The following RNFT2 variants were observed in gnomAD, a reference collection of about 807,000 sequenced individuals.
RNFT2 encodes the protein ring finger protein, transmembrane 2, also known as E3 ubiquitin-protein ligase RNFT2.
RNFT2 carries 36 observed loss-of-function variants against 53.0 expected under a neutral mutation model. That is an observed-to-expected ratio of 0.68 (90% CI 0.52 to 0.90). The LOEUF is 0.90. Among genes scored for constraint, RNFT2 ranks in the 40% least tolerant of loss-of-function variants. The pLI, the probability that RNFT2 is intolerant of heterozygous loss-of-function variation, is 0.00. For missense variants in RNFT2, 514 were observed against 585.6 expected (o/e 0.88, Z 1.26); for synonymous variants, 260 against 253.2 (o/e 1.03, Z -0.26).
chr12:116,816,070 G>C (rs531537529), intron 7 of RNFT2, among the ~76,000 whole-genome samples: 1 of 152,320 alleles, frequency 6.6e-6, no homozygotes, highest in Admixed American at 6.5e-5. Context: ...GCTGACTTGG[G>C]GACAGATAAG....
intron 7 of RNFT2, among the ~76,000 whole-genome samples, chr12:116,785,279 G>C (rs916706705): frequency 9.1e-6 from 1 of 109,970 alleles, no homozygotes; most frequent in Non-Finnish European, 1.6e-5. Flanking sequence ...GTGTGTGGCG[G>C]GGGGGGGTTG....
chr12:116,747,919 G>A lies in RNFT2; in HGVS notation c.84-1922G>A, dbSNP rs1012431979. Among the ~76,000 whole-genome samples the A allele has an allele frequency of 8.5e-5, 13 of 152,140 alleles. No homozygotes were observed. In the South Asian group the frequency reaches 1.0e-3, roughly 12 times the overall value. ...AGAGGATGAACCCTCGGCCGGGCAC[G>A]GTGGCTCATGCCTGTAATCCCAGCA... On this transcript the variant is annotated intron_variant, in intron 3 of 10. Coordinates refer to ENST00000257575, the MANE Select transcript of RNFT2 (RefSeq NM_001382266.1).
At chr12:116,784,839 T>G (rs1392411614) in intron 7 of RNFT2, among the ~76,000 whole-genome samples, 2 of 152,116 alleles carry the variant, frequency 1.3e-5, no homozygotes, top group African/African-American at 2.4e-5. Flanking sequence ...TCTCCCTCTG[T>G]GTGTCCACTC....
At chr12:116,748,532 G>T (rs759434754) in intron 3 of RNFT2, 6 of 210,520 alleles carry the variant, frequency 2.9e-5, no homozygotes, top group African/African-American at 2.4e-5. Context: ...AGGAATAAAG[G>T]CCCATTTTTC....
At chr12:116,808,019 A>T (rs140193025) in intron 7 of RNFT2, among the ~76,000 whole-genome samples, 2,920 of 151,868 alleles carry the variant, frequency 0.019, 52 homozygotes, top group Middle Eastern at 0.034. Context: ...CCCAGGCTGG[A>T]GGGCAATGGC....
chr12:116,759,811 T>C (rs570732146), intron 5 of RNFT2, among the ~76,000 whole-genome samples: 51 of 152,266 alleles, frequency 3.3e-4, no homozygotes, highest in Non-Finnish European at 6.3e-4. Flanking sequence ...TTTGGTGGTT[T>C]AATGCGCTAT....
rs1375478165 is a variant in RNFT2 at position 116,849,846 on chromosome 12, T to TTCCTTTTTTTTTTC, written c.*399_*400insCCTTTTTTTTTTCT. Reference sequence around the variant, plus strand: ...CCTCCCTCCTTCCTTCCTTCCTTCCTTTTTTTTTTTTTTTTAAAACAAGGT... The same window carrying TTCCTTTTTTTTTTC: ...CCTCCCTCCTTCCTTCCTTCCTTCCTTCCTTTTTTTTTTCTTTTTTTTTTTTTTTAAAACAAGGT... On this transcript the variant is annotated 3_prime_UTR_variant, in exon 11 of 11. Transcript: ENST00000257575. The TTCCTTTTTTTTTTC allele has an allele frequency of 1.1e-5, 1 of 91,290 alleles. No homozygotes were observed. Among genetic ancestry groups the TTCCTTTTTTTTTTC allele is most frequent in the Non-Finnish European group, 1.3e-5 (1 of 78,996 alleles). The allele number at this position is 91,290 out of a possible 1,614,324, so 5.7% of individuals were successfully genotyped here.
chr12:116,820,003 A>G lies in RNFT2; in HGVS notation c.883-13789A>G, dbSNP rs1490237238. On this transcript the variant is annotated intron_variant, in intron 7 of 10. Transcript: ENST00000257575. ...AATATTATTTCAACATGTAATCAAC[A>G]TAAAATTTTTAATGAGATATTTTAC... Among the ~76,000 whole-genome samples, 4 of 152,238 alleles carry G rather than the reference A, an allele frequency of 2.6e-5. No homozygotes were observed. The East Asian group carries it at 7.7e-4, about 29-fold the overall frequency.
intron 7 of RNFT2, among the ~76,000 whole-genome samples, chr12:116,814,678 ATT>A (rs774723275): frequency 1.4e-5 from 2 of 145,626 alleles, no homozygotes. Context: ...GCCGTATGAT[ATT>A]TTTTTTTTTT....
chr12:116,781,626 C>T (rs1053702352), intron 7 of RNFT2, among the ~76,000 whole-genome samples: 3 of 151,560 alleles, frequency 2.0e-5, no homozygotes, highest in Admixed American at 2.0e-4. Context: ...CCTTCATTGT[C>T]GCATCTCCTG....
chr12:116,782,481 C>T (rs1356786384), intron 7 of RNFT2, among the ~76,000 whole-genome samples: 3 of 152,020 alleles, frequency 2.0e-5, no homozygotes, highest in African/African-American at 4.8e-5. Context: ...GAGCCATGAT[C>T]GTGCCACTGT....
intron 10 of RNFT2, among the ~76,000 whole-genome samples, chr12:116,837,098 G>A (rs1029442529): frequency 2.6e-5 from 4 of 152,102 alleles, no homozygotes; most frequent in African/African-American, 7.2e-5. Context: ...TTTATTAGTC[G>A]TGGGTCACCA....
intron 7 of RNFT2, among the ~76,000 whole-genome samples, chr12:116,798,833 C>T (rs1191407816): frequency 1.3e-5 from 2 of 151,888 alleles, no homozygotes; most frequent in Non-Finnish European, 2.9e-5. Flanking sequence ...GCCTCCGCCT[C>T]CAAGTGCTGA....
Position 116,849,602 on chromosome 12 carries a change from C to T in RNFT2, c.*154C>T. ...CCCAAAGTCCCGCCCCTGTCTTGTC[C>T]TTCTGACCTTCATCTTCCTCTCTCG... On this transcript the variant is annotated 3_prime_UTR_variant, in exon 11 of 11. Coordinates refer to ENST00000257575, the MANE Select transcript of RNFT2 (RefSeq NM_001382266.1). 7.9e-6 allele frequency: 11 copies of T among 1,400,440 alleles called. No individual in the cohort carries two copies. The highest frequency in any genetic ancestry group is 1.0e-5 in the Non-Finnish European group (11 of 1,075,762). 86.8% of individuals were successfully genotyped at this position (1,400,440 alleles called of 1,614,324 possible).
At chr12:116,836,145 G>T (rs371835904) in intron 9 of RNFT2, 36 bp from the exon 10 acceptor site, 5 of 1,588,174 alleles carry the variant, frequency 3.1e-6, no homozygotes, top group Non-Finnish European at 4.3e-6. Context: ...TCCCAAGGGC[G>T]CCCATAGCTG....
At chr12:116,745,330 A>G (rs1033262290) in intron 3 of RNFT2, among the ~76,000 whole-genome samples, 1 of 152,032 alleles carries the variant, frequency 6.6e-6, no homozygotes, top group African/African-American at 2.4e-5. Flanking sequence ...ATGCACCACC[A>G]TGCCCGGCTA....
chr12:116,774,178 G>C (rs1365416502), intron 6 of RNFT2, among the ~76,000 whole-genome samples: 1 of 152,190 alleles, frequency 6.6e-6, no homozygotes, highest in Non-Finnish European at 1.5e-5. Flanking sequence ...TGGGTACAGA[G>C]TCTCAGCTTT....
At chr12:116,748,900 C>A (rs1259882619) in intron 3 of RNFT2, among the ~76,000 whole-genome samples, 1 of 152,168 alleles carries the variant, frequency 6.6e-6, no homozygotes, top group Non-Finnish European at 1.5e-5. Flanking sequence ...TCTCTCTGAG[C>A]CTCCATTTCT....
intron 7 of RNFT2, among the ~76,000 whole-genome samples, chr12:116,780,835 A>C (rs1037164736): frequency 1.3e-5 from 2 of 152,088 alleles, no homozygotes; most frequent in Admixed American, 6.6e-5. Context: ...CGCACTTGAC[A>C]CTGGAAAGCA....
Sources: allele counts gnomAD v4.1 joint callset (sites outside exome capture counted in the v4.1 genomes callset), GRCh38; gene constraint gnomAD v4.1.1; transcripts MANE v1.5; gene names NCBI Gene and HGNC (gene_info 2026-07-23, HGNC 2026-07-21).